The following MIB1 variants were observed in gnomAD, a reference collection of about 807,000 sequenced individuals.
MIB1 encodes E3 ubiquitin-protein ligase MIB1.
MIB1 carries 278 observed loss-of-function variants against 124.5 expected under a neutral mutation model. The observed-to-expected ratio is 2.23, with a 90% CI of 2.02 to 2.47. The LOEUF (loss-of-function observed/expected upper bound fraction) is 2.47, where lower values mean the gene tolerates loss of function less well. Among genes scored for constraint, MIB1 ranks in the 30% most tolerant of loss-of-function variants. The probability of loss-of-function intolerance (pLI) is 0.00; values close to 1 mark genes in which losing one functional copy is unlikely to be tolerated. For missense variants in MIB1, 957 were observed against 1,254.4 expected (o/e 0.76, Z 3.58); for synonymous variants, 446 against 429.4 (o/e 1.04, Z -0.48).
At chr18:21,861,403 A>G (rs1361625161) in intron 20 of MIB1, among the ~76,000 whole-genome samples, 5 of 152,094 alleles carry the variant, frequency 3.3e-5, no homozygotes, top group Non-Finnish European at 7.4e-5. Flanking sequence ...TATAAAAAGC[A>G]TTTTATATTC....
chr18:21,811,843 G>A (rs1439841323), intron 10 of MIB1, among the ~76,000 whole-genome samples: 1 of 152,060 alleles, frequency 6.6e-6, no homozygotes, highest in African/African-American at 2.4e-5. Context: ...TAATATCACT[G>A]AATTGTACAT....
Position 21,858,564 on chromosome 18 carries a change from T to C in MIB1, c.2798T>C (p.Val933Ala). ...ATTATAGCAAGTGGGAATATTCCAG[T>C]ATTACAAAAGGACAAGGATAATACC... The part of the protein sequence containing the change: ...TDDISSGNIP[V>A]LQKDKDNTNV... Residue 933 changes from valine to alanine, a missense_variant, in exon 20 of 21, where the codon GTA becomes GCA. By Grantham distance (64) the Val-to-Ala change is moderately conservative. Coordinates refer to ENST00000261537, the MANE Select transcript of MIB1 (RefSeq NM_020774.4). 6.4e-7 allele frequency: 1 copy of C among 1,559,926 alleles called. No individual in the cohort carries two copies.
intron 1 of MIB1, among the ~76,000 whole-genome samples, chr18:21,757,987 C>T (rs1439228557): frequency 6.6e-6 from 1 of 152,020 alleles, no homozygotes; most frequent in Admixed American, 6.6e-5. Context: ...CTTTAAGAGG[C>T]CATGTTTTGT....
intron 1 of MIB1, among the ~76,000 whole-genome samples, chr18:21,756,793 C>T (rs1274383956): frequency 1.3e-5 from 2 of 152,106 alleles, no homozygotes; most frequent in African/African-American, 2.4e-5. Context: ...TTTTATGTTT[C>T]ACCTCATTAA....
chr18:21,724,669 C>T (rs7231966), intron 1 of MIB1, among the ~76,000 whole-genome samples: 11,166 of 131,544 alleles, frequency 0.085, 559 homozygotes, highest in Middle Eastern at 0.16. Flanking sequence ...TATGCCACTG[C>T]ACTCCTGCCT....
intron 13 of MIB1, among the ~76,000 whole-genome samples, chr18:21,839,215 A>G (rs1283166095): frequency 1.3e-5 from 2 of 152,354 alleles, no homozygotes; most frequent in African/African-American, 4.8e-5. Flanking sequence ...TATGTAATCA[A>G]ATACCAAATT....
At chr18:21,774,976 C>T (rs559297053) in intron 4 of MIB1, among the ~76,000 whole-genome samples, 163 of 142,790 alleles carry the variant, frequency 1.1e-3, no homozygotes, top group African/African-American at 4.0e-3. Flanking sequence ...GACACAGTCT[C>T]GCTGTGTCGC....
chr18:21,767,677 A>G (rs1056447445), intron 2 of MIB1, among the ~76,000 whole-genome samples: 2 of 152,010 alleles, frequency 1.3e-5, no homozygotes, highest in African/African-American at 2.4e-5. Context: ...CCTCCCGAGT[A>G]GCTGGGACTA....
At chr18:21,705,675 T>C (rs905153681) in intron 1 of MIB1, among the ~76,000 whole-genome samples, 3 of 152,180 alleles carry the variant, frequency 2.0e-5, no homozygotes, top group African/African-American at 7.2e-5. Flanking sequence ...TGCCAAAGGA[T>C]TGTAAATTAA....
At chr18:21,750,711 G>T (rs899066900) in intron 1 of MIB1, among the ~76,000 whole-genome samples, 1 of 152,000 alleles carries the variant, frequency 6.6e-6, no homozygotes, top group Non-Finnish European at 1.5e-5. Flanking sequence ...TGATCCACCC[G>T]CCTCAGCCTC....
chr18:21,752,025 A>G (rs774070989), intron 1 of MIB1, among the ~76,000 whole-genome samples: 22 of 152,154 alleles, frequency 1.4e-4, no homozygotes, highest in Non-Finnish European at 2.6e-4. Context: ...ATTATATATA[A>G]TTATATTTAG....
chr18:21,777,963 A>G, intron 4 of MIB1, 140 bp from the exon 5 acceptor site: 1 of 579,304 alleles, frequency 1.7e-6, no homozygotes, highest in South Asian at 2.3e-5. Context: ...TTTTGAAAGC[A>G]GTGTTTAGTG....
At chr18:21,745,192 A>G (rs1329585451) in intron 1 of MIB1, among the ~76,000 whole-genome samples, 1 of 152,244 alleles carries the variant, frequency 6.6e-6, no homozygotes, top group Non-Finnish European at 1.5e-5. Flanking sequence ...ACTGTATAGA[A>G]GAGAATGTTA....
rs1598650574 is a variant in MIB1 at position 21,867,391 on chromosome 18, T to G, written c.*2725T>G. The G allele has an allele frequency of 6.6e-6, 1 of 152,626 alleles. No homozygotes were observed. The highest frequency in any genetic ancestry group is 6.5e-5 in the Admixed American group (1 of 15,272). 9.5% of individuals were successfully genotyped at this position (152,626 alleles called of 1,614,324 possible). On this transcript the variant is annotated 3_prime_UTR_variant, in exon 21 of 21. Coordinates refer to ENST00000261537, the MANE Select transcript of MIB1 (RefSeq NM_020774.4). ...ATTGTTAGCGTTGTTACTCAAAACA[T>G]ACACATACAACATACCAGATGGTGC...
Position 21,779,584 on chromosome 18 carries a change from A to G in MIB1, c.807A>G (p.Gly269=), listed in dbSNP as rs761409597. ...EIVQSLQHGH[G]GWTDGMFETL... is the part of the protein sequence containing the mutation. ...TACAGTCTTTGCAGCATGGTCATGG[A>G]GGATGGACTGATGGAATGTTTGAGA... is the stretch of plus-strand genomic sequence containing the variant. The change falls in exon 6 of 21, where the codon GGA becomes GGG. Residue 269 remains glycine, a synonymous_variant. Coordinates refer to ENST00000261537, the MANE Select transcript of MIB1 (RefSeq NM_020774.4). 9.9e-6 allele frequency: 16 copies of G among 1,613,984 alleles called. No individual in the cohort carries two copies. In the South Asian group the frequency reaches 1.6e-4, roughly 17 times the overall value.
intron 13 of MIB1, among the ~76,000 whole-genome samples, chr18:21,842,306 C>T (rs751364786): frequency 6.6e-6 from 1 of 151,940 alleles, no homozygotes; most frequent in Non-Finnish European, 1.5e-5. Context: ...ACGAAATGAT[C>T]GGTTTATCTT....
intron 14 of MIB1, among the ~76,000 whole-genome samples, chr18:21,843,754 C>G (rs1408435222): frequency 6.6e-6 from 1 of 152,058 alleles, no homozygotes; most frequent in Non-Finnish European, 1.5e-5. Context: ...GGTGGAAGTG[C>G]TTAAAATATC....
Position 21,866,273 on chromosome 18 carries a change from T to C in MIB1, c.*1607T>C, listed in dbSNP as rs1052385295. On this transcript the variant is annotated 3_prime_UTR_variant, in exon 21 of 21. Transcript: ENST00000261537. ...AGCAATGGGGAGCTTTGCTGGCTGG[T>C]TTTGTAGTCTCAACAATTCCATGTC... 2 of 152,192 alleles carry C rather than the reference T, an allele frequency of 1.3e-5. No homozygotes were observed. Among genetic ancestry groups the C allele is most frequent in the Non-Finnish European group, 2.9e-5 (2 of 68,040 alleles). 9.4% of individuals were successfully genotyped at this position (152,192 alleles called of 1,614,324 possible). A position where few individuals can be genotyped will look rare whatever the true frequency, so the allele number is the denominator to read the frequency against.
chr18:21,705,435 T>C (rs1037723393), intron 1 of MIB1, among the ~76,000 whole-genome samples: 15 of 152,336 alleles, frequency 9.8e-5, no homozygotes, highest in Middle Eastern at 3.4e-3. Context: ...TAGAGACTTA[T>C]GGAAATTCAC....
Sources: gnomAD v4.1 joint callset for allele counts (sites outside exome capture counted in the v4.1 genomes callset) on GRCh38, gnomAD v4.1.1 for gene constraint, MANE v1.5 for transcripts, NCBI Gene and HGNC (gene_info 2026-07-23, HGNC 2026-07-21) for gene names.